Variants in RABL3 observed in about 807,000 individuals in gnomAD.
RABL3 encodes the protein rab-like protein 3.
Under a neutral mutation model 31.8 loss-of-function variants are expected in RABL3, and 31 were observed. That is an observed-to-expected ratio of 0.97 (90% confidence interval 0.73 to 1.31). RABL3 has a LOEUF of 1.31. RABL3 is among the 40% of genes most tolerant of loss of function. The pLI, the probability that RABL3 is intolerant of heterozygous loss-of-function variation, is 0.00. For synonymous variants in RABL3, 97 were observed against 99.9 expected, an observed-to-expected ratio of 0.97 and a Z score of 0.18; for missense variants, 263 against 279.6, an observed-to-expected ratio of 0.94 and a Z score of 0.42.
At chr3:120,693,360 T>C (rs890802872) in intron 6 of RABL3, among the ~76,000 whole-genome samples, 1 of 152,024 alleles carries the variant, frequency 6.6e-6, no homozygotes, top group African/African-American at 2.4e-5. Context: ...CCTAAATAGT[T>C]AAAAGAAAAA....
chr3:120,693,823 T>A (rs1380644797), intron 6 of RABL3, among the ~76,000 whole-genome samples: 1 of 152,110 alleles, frequency 6.6e-6, no homozygotes. Flanking sequence ...GTTCAGTGCC[T>A]TTATGGGGGT....
chr3:120,685,643 G>C lies in RABL3; in HGVS notation c.*4180C>G, dbSNP rs931387199. ...GGCATATGTAGCTTTGAGTGGGGAGGAGTGGATCAGTTCATTAAGGTGAGA... is the reference window on the plus strand; with the variant it reads ...GGCATATGTAGCTTTGAGTGGGGAGCAGTGGATCAGTTCATTAAGGTGAGA... On this transcript the variant is annotated 3_prime_UTR_variant, in exon 8 of 8. Coordinates refer to ENST00000273375, the MANE Select transcript of RABL3 (RefSeq NM_173825.5). Among the ~76,000 whole-genome samples the C allele has an allele frequency of 2.0e-5, 3 of 152,188 alleles. No individual in the cohort carries two copies. The highest frequency in any genetic ancestry group is 2.9e-5 in the Non-Finnish European group (2 of 68,038).
In RABL3 at chr3:120,730,759, G is replaced by A. The variant is rs201502529; in HGVS notation, c.75C>T (p.Leu25=). The A allele has an allele frequency of 2.6e-5, 42 of 1,613,754 alleles. No homozygotes were observed. The East Asian group carries it at 8.7e-4, about 33-fold the overall frequency. ...SGVGKSSLVH[L]LCQNQVLGNP... is the part of the protein sequence containing the mutation. ...TTCCCAGCACTTGATTTTGGCATAG[G>A]AGATGGACTAACGAAGATTTCCCAA... Residue 25 remains leucine, a synonymous_variant, in exon 2 of 8, where the codon CTC becomes CTT. Transcript: ENST00000273375.
At chr3:120,720,406 G>A (rs12486148) in intron 2 of RABL3, among the ~76,000 whole-genome samples, 1,818 of 152,248 alleles carry the variant, frequency 0.012, 151 homozygotes, top group Admixed American at 0.11. Context: ...GAGGAAGTTC[G>A]AACCCAAGGC....
chr3:120,699,528 C>G (rs1333062351), intron 4 of RABL3, among the ~76,000 whole-genome samples: 1 of 152,162 alleles, frequency 6.6e-6, no homozygotes, highest in Non-Finnish European at 1.5e-5. Flanking sequence ...GCTCAACTTA[C>G]AACAGTCAGC....
intron 2 of RABL3, among the ~76,000 whole-genome samples, chr3:120,712,913 G>A (rs1708628066): frequency 6.6e-6 from 1 of 151,872 alleles, no homozygotes; most frequent in Admixed American, 6.6e-5. Flanking sequence ...AAAAAATACA[G>A]ATTCCTGGAC....
intron 1 of RABL3, among the ~76,000 whole-genome samples, chr3:120,734,171 C>T (rs1289146390): frequency 6.6e-6 from 1 of 152,168 alleles, no homozygotes; most frequent in Non-Finnish European, 1.5e-5. Context: ...ATTCTTCCTA[C>T]CCATGAGCAT....
intron 1 of RABL3, among the ~76,000 whole-genome samples, chr3:120,735,321 T>C (rs1216084211): frequency 1.3e-5 from 2 of 152,216 alleles, no homozygotes; most frequent in East Asian, 3.8e-4. Context: ...GATTTTTTAG[T>C]TTATTTGCGT....
chr3:120,695,635 T>C (rs1708428339), intron 5 of RABL3, among the ~76,000 whole-genome samples: 1 of 152,198 alleles, frequency 6.6e-6, no homozygotes, highest in African/African-American at 2.4e-5. Flanking sequence ...ATGGATTATG[T>C]AGACTGAAAC....
At chr3:120,742,329 G>T in intron 1 of RABL3, 133 bp downstream of exon 1, 1 of 817,846 alleles carries the variant, frequency 1.2e-6, no homozygotes, top group Non-Finnish European at 2.0e-6. Flanking sequence ...CCTGGGAAGT[G>T]TAGTCTTCAG....
chr3:120,703,654 T>A (rs560906141), intron 4 of RABL3, among the ~76,000 whole-genome samples: 1 of 152,062 alleles, frequency 6.6e-6, no homozygotes, highest in East Asian at 1.9e-4. Flanking sequence ...ATCAATACAA[T>A]TGATAAACCT....
At chr3:120,701,390 C>T (rs1004109024) in intron 4 of RABL3, among the ~76,000 whole-genome samples, 3 of 152,156 alleles carry the variant, frequency 2.0e-5, no homozygotes, top group Non-Finnish European at 4.4e-5. Context: ...TTGTTTTATA[C>T]ATTTGCAGGT....
chr3:120,722,897 C>G (rs1559820019), intron 2 of RABL3, among the ~76,000 whole-genome samples: 2 of 150,878 alleles, frequency 1.3e-5, no homozygotes, highest in South Asian at 2.1e-4. Flanking sequence ...ACTAGAGAAG[C>G]AAGAGCAAAC....
intron 1 of RABL3, among the ~76,000 whole-genome samples, chr3:120,732,808 T>C (rs1708902476): frequency 1.3e-5 from 2 of 150,444 alleles, no homozygotes; most frequent in South Asian, 4.2e-4. Context: ...TGAGAACAAG[T>C]GGTGTTTGGT....
intron 2 of RABL3, among the ~76,000 whole-genome samples, chr3:120,721,652 A>G (rs1289134057): frequency 6.6e-6 from 1 of 152,238 alleles, no homozygotes; most frequent in East Asian, 1.9e-4. Context: ...TATGCACCCA[A>G]TACAGGAGCA....
intron 1 of RABL3, among the ~76,000 whole-genome samples, chr3:120,733,319 A>G (rs891591486): frequency 3.9e-5 from 6 of 152,200 alleles, no homozygotes; most frequent in South Asian, 2.1e-4. Flanking sequence ...GCCAGTGATG[A>G]TGAGCATTTT....
chr3:120,704,399 T>C (rs1708525701), intron 4 of RABL3, among the ~76,000 whole-genome samples: 1 of 152,068 alleles, frequency 6.6e-6, no homozygotes, highest in South Asian at 2.1e-4. Context: ...TATCAGCAAA[T>C]TAGGGATAGA....
chr3:120,703,613 A>G (rs1708518052), intron 4 of RABL3, among the ~76,000 whole-genome samples: 1 of 152,088 alleles, frequency 6.6e-6, no homozygotes, highest in Admixed American at 6.5e-5. Flanking sequence ...AGAAAAATCA[A>G]TGAAACCAAA....
At position 120,698,590 on chromosome 3, in the gene RABL3, TG is replaced by T. The variant is rs766410803; in HGVS notation, c.384-18del. ...TCATAATCCCTGTGATAAATAATAA[TG>T]AAGAGGTGAATAGAATGTATCTTTC... On this transcript the variant is annotated intron_variant, in intron 4 of 7. Coordinates refer to ENST00000273375, the MANE Select transcript of RABL3 (RefSeq NM_173825.5). 14 of 1,593,062 alleles carry T rather than the reference TG, an allele frequency of 8.8e-6. No homozygotes were observed. The highest frequency in any genetic ancestry group is 1.2e-5 in the Non-Finnish European group (14 of 1,164,146).
Sources: gnomAD v4.1 joint callset for allele counts (sites outside exome capture counted in the v4.1 genomes callset) on GRCh38, gnomAD v4.1.1 for gene constraint, MANE v1.5 for transcripts, NCBI Gene and HGNC (gene_info 2026-07-23, HGNC 2026-07-21) for gene names.